The following MID1 variants were observed in gnomAD, a reference collection of about 807,000 sequenced individuals.
MID1 encodes the protein E3 ubiquitin-protein ligase Midline-1.
MID1 carries 7 observed loss-of-function variants against 40.4 expected under a neutral mutation model. The ratio of observed to expected loss-of-function variants is 0.17; its 90% CI spans 0.10 to 0.33. The LOEUF (loss-of-function observed/expected upper bound fraction) is 0.33. MID1 is among the 10% of genes least tolerant of loss of function. The pLI is 1.00. For missense variants in MID1, 367 were observed against 558.5 expected (o/e 0.66, Z 3.46); for synonymous variants, 229 against 221.2 (o/e 1.04, Z -0.31).
intron 1 of MID1, among the ~76,000 whole-genome samples, chrX:10,593,218 G>A (rs1935344380): frequency 1.8e-5 from 2 of 112,461 alleles, no homozygotes; most frequent in Admixed American, 1.9e-4. Context: ...TCTCACTGCT[G>A]TTCAGTAAGA....
At chrX:10,722,542 C>T (rs922707977) in intron 1 of MID1, among the ~76,000 whole-genome samples, 2 of 111,912 alleles carry the variant, frequency 1.8e-5, no homozygotes, top group Non-Finnish European at 3.8e-5. Flanking sequence ...AGAAACATCC[C>T]GTCATTTAAA....
intron 1 of MID1, among the ~76,000 whole-genome samples, chrX:10,629,700 C>T (rs1936031594): frequency 8.9e-6 from 1 of 112,220 alleles, no homozygotes; most frequent in African/African-American, 3.2e-5. Context: ...TGAGGTTTTC[C>T]TTTTCCATTC....
rs918885542 is a variant in MID1 at position 10,762,467 on chromosome X, T to C, written c.-187+71087A>G. Among the ~76,000 whole-genome samples the C allele has an allele frequency of 4.5e-5, 5 of 110,139 alleles. No individual in the cohort carries two copies. In the Admixed American group the frequency reaches 4.8e-4, roughly 11 times the overall value. ...TTTCCAAACACAAACACAAAGTTTGTTGTTGTTGTTGTGTGTTTTTTTTTT... is the reference window on the plus strand; with the variant it reads ...TTTCCAAACACAAACACAAAGTTTGCTGTTGTTGTTGTGTGTTTTTTTTTT... On this transcript the variant is annotated intron_variant, in intron 1 of 10. Coordinates refer to the MID1 transcript ENST00000380785.
intron 2 of MID1, among the ~76,000 whole-genome samples, chrX:10,547,040 C>T (rs1202528875): frequency 8.9e-6 from 1 of 112,242 alleles, no homozygotes; most frequent in African/African-American, 3.2e-5. Context: ...CCTATAATCC[C>T]AGCACTTTGG....
intron 1 of MID1, among the ~76,000 whole-genome samples, chrX:10,614,627 G>A (rs5979332): frequency 4.6e-4 from 52 of 112,025 alleles, no homozygotes; most frequent in African/African-American, 1.7e-3. Context: ...GTGGTTTGGA[G>A]GTGGGGAAGG....
chrX:10,465,187 T>TATA, intron 7 of MID1, among the ~76,000 whole-genome samples: 1 of 48,071 alleles, frequency 2.1e-5, no homozygotes, highest in Admixed American at 2.4e-4. Flanking sequence ...GTCTGAAATT[T>TATA]TATATATATA....
At chrX:10,577,345 A>G (rs1478403647) in intron 1 of MID1, among the ~76,000 whole-genome samples, 1 of 111,969 alleles carries the variant, frequency 8.9e-6, no homozygotes, top group Non-Finnish European at 1.9e-5. Flanking sequence ...TACTGAGCAC[A>G]TGATCACATT....
chrX:10,508,886 C>A (rs1277019858), intron 3 of MID1, among the ~76,000 whole-genome samples: 1 of 111,436 alleles, frequency 9.0e-6, no homozygotes, highest in Non-Finnish European at 1.9e-5. Flanking sequence ...TCCATAGAGT[C>A]TGGCTAAAAC....
At chrX:10,587,127 A>G (rs962518587) in intron 1 of MID1, among the ~76,000 whole-genome samples, 2 of 112,527 alleles carry the variant, frequency 1.8e-5, no homozygotes, top group African/African-American at 6.5e-5. Flanking sequence ...AAGACCTACA[A>G]GGGGCTTCTC....
intron 2 of MID1, among the ~76,000 whole-genome samples, chrX:10,559,632 T>C (rs1934254178): frequency 8.9e-6 from 1 of 111,816 alleles, no homozygotes; most frequent in Non-Finnish European, 1.9e-5. Context: ...TTGGAAATGG[T>C]AGGTGCAGTG....
chrX:10,793,568 GC>G (rs2043947975), intron 1 of MID1, among the ~76,000 whole-genome samples: 1 of 111,829 alleles, frequency 8.9e-6, no homozygotes, highest in South Asian at 3.8e-4. Flanking sequence ...GCCCACATTT[GC>G]CAGAGAGATC....
chrX:10,739,107 A>G (rs2043505914), intron 1 of MID1, among the ~76,000 whole-genome samples: 1 of 112,154 alleles, frequency 8.9e-6, no homozygotes, highest in South Asian at 3.7e-4. Flanking sequence ...GCTTCTTTGA[A>G]TAACAGAAAA....
chrX:10,682,243 A>C (rs1602514444), intron 1 of MID1, among the ~76,000 whole-genome samples: 1 of 112,161 alleles, frequency 8.9e-6, no homozygotes, highest in Admixed American at 9.5e-5. Context: ...ATGTGCATAG[A>C]AAATTAAACT....
chrX:10,796,134 GTTC>G (rs1386215430), intron 1 of MID1, among the ~76,000 whole-genome samples: 1 of 111,989 alleles, frequency 8.9e-6, no homozygotes, highest in African/African-American at 3.2e-5. Flanking sequence ...GAAAAAGTTT[GTTC>G]TTCATAAACT....
intron 1 of MID1, among the ~76,000 whole-genome samples, chrX:10,696,605 A>G (rs2043165479): frequency 8.9e-6 from 1 of 112,196 alleles, no homozygotes; most frequent in African/African-American, 3.2e-5. Flanking sequence ...AGGTTGCTGC[A>G]GACCCATACG....
chrX:10,451,829 T>TGTAA (rs200882789), intron 9 of MID1, among the ~76,000 whole-genome samples: 1,409 of 111,927 alleles, frequency 0.013, 18 homozygotes, highest in African/African-American at 0.043. Flanking sequence ...CACATAGAAC[T>TGTAA]GTAAGTAAGT....
chrX:10,528,131 A>G (rs1932867916), intron 2 of MID1, among the ~76,000 whole-genome samples: 1 of 110,909 alleles, frequency 9.0e-6, no homozygotes, highest in South Asian at 3.9e-4. Context: ...TATCCTCCAA[A>G]TTCCAGGCTG....
chrX:10,498,290 T>C, intron 3 of MID1, among the ~76,000 whole-genome samples: 1 of 111,908 alleles, frequency 8.9e-6, no homozygotes, highest in Non-Finnish European at 1.9e-5. Flanking sequence ...AAATGTATTT[T>C]TTTGTAGAGA....
rs539826612 is a variant in MID1 at position 10,521,084 on chromosome X, T to C, written c.756+2008A>G. ...GCAAAGCCAGAACTGGCACGTCACA[T>C]GGCGAAATTAGGAGCAAGAGAAAGA... On this transcript the variant is annotated intron_variant, in intron 3 of 9. Coordinates refer to ENST00000317552, the MANE Select transcript of MID1 (RefSeq NM_000381.4). 7.3e-5 allele frequency among the ~76,000 whole-genome samples: 6 copies of C among 82,475 alleles called. No homozygotes were observed. The South Asian group carries it at 4.6e-3, about 63-fold the overall frequency. The allele number at this position is 82,475 out of a possible 115,157, so 71.6% of individuals were successfully genotyped here.
Sources: gnomAD v4.1 joint callset for allele counts (sites outside exome capture counted in the v4.1 genomes callset) on GRCh38, gnomAD v4.1.1 for gene constraint, MANE v1.5 for transcripts, NCBI Gene and HGNC (gene_info 2026-07-23, HGNC 2026-07-21) for gene names.